HADH: variants seen among roughly 807,000 people sequenced by gnomAD.
The protein encoded by HADH is hydroxyacyl-coenzyme A dehydrogenase, mitochondrial.
Under a neutral mutation model 32.2 loss-of-function variants are expected in HADH, and 24 were observed. The ratio of observed to expected loss-of-function variants is 0.75; its 90% CI spans 0.54 to 1.05. The LOEUF is 1.05. Ranked by LOEUF, HADH falls within the 50% of genes least tolerant of loss-of-function variation. HADH has a pLI of 0.00. For missense variants in HADH, 350 were observed against 397.1 expected (o/e 0.88, Z 1.01); for synonymous variants, 139 against 152.5 (o/e 0.91, Z 0.65).
chr4:107,997,776 A>G (rs998645278), intron 1 of HADH, among the ~76,000 whole-genome samples: 1 of 152,178 alleles, frequency 6.6e-6, no homozygotes, highest in Non-Finnish European at 1.5e-5. Context: ...AACTGCCAGG[A>G]AGAGTCCTCC....
intron 5 of HADH, chr4:108,024,875 G>T (rs1736008474): frequency 6.6e-6 from 1 of 152,274 alleles, no homozygotes; most frequent in Non-Finnish European, 1.5e-5. Context: ...CAGCTGCAGA[G>T]ATGGGAACTC....
chr4:108,030,624 C>G (rs577748159), intron 6 of HADH: 2 of 152,318 alleles, frequency 1.3e-5, no homozygotes, highest in African/African-American at 4.8e-5. Context: ...AGGAAGCTTT[C>G]CTTTGCTGTC....
In HADH at chr4:108,000,685, T is replaced by C. The variant is rs143581580; in HGVS notation, c.133-9074T>C. On this transcript the variant is annotated intron_variant, in intron 1 of 7. Coordinates refer to ENST00000309522, the MANE Select transcript of HADH (RefSeq NM_005327.7). ...GGGAGAAGTTTCACTAAAGGAGAGA[T>C]GGTGTCCATGTTAGATTATGAAGGG... Among the ~76,000 whole-genome samples, 87 of 152,258 alleles carry C rather than the reference T, an allele frequency of 5.7e-4. 1 individual carries two copies. Among genetic ancestry groups the C allele is most frequent in the Admixed American group, 2.2e-3 (34 of 15,288 alleles).
chr4:107,990,743 CTTTTTTTTTT>C (rs553014808), intron 1 of HADH, among the ~76,000 whole-genome samples: 21 of 111,846 alleles, frequency 1.9e-4, no homozygotes, highest in Non-Finnish European at 3.4e-4. Context: ...AAGTCTCTCT[CTTTTTTTTTT>C]TTTTTTTTTT....
rs947380521 is a variant in HADH at position 108,009,767 on chromosome 4, A to G, written c.141A>G (p.Ala47=). ...TTCTTTTGTTGCTCTAGGTTGCTGC[A>G]GCAACTGGTCACACAGTAGTGTTGG... ...LMGAGIAQVA[A]ATGHTVVLVD... is the part of the protein sequence containing the mutation. Residue 47 remains alanine (A), a synonymous_variant, in exon 2 of 8, where the codon GCA becomes GCG. Coordinates refer to ENST00000309522, the MANE Select transcript of HADH (RefSeq NM_005327.7). 6.2e-7 allele frequency: 1 copy of G among 1,613,750 alleles called. No individual in the cohort carries two copies. Among genetic ancestry groups the G allele is most frequent in the Non-Finnish European group, 8.5e-7 (1 of 1,179,658 alleles).
At position 108,034,660 on chromosome 4, in the gene HADH, C is replaced by A; in HGVS notation, c.*303C>A. The A allele has an allele frequency of 2.7e-6, 1 of 368,402 alleles. No individual in the cohort carries two copies. The highest frequency in any genetic ancestry group is 5.3e-6 in the Non-Finnish European group (1 of 189,262). The allele number at this position is 368,402 out of a possible 1,614,324, so 22.8% of individuals were successfully genotyped here. On this transcript the variant is annotated 3_prime_UTR_variant, in exon 8 of 8. Transcript: ENST00000309522. ...ACCTTGTCATTTTTGTGAAGAATTG[C>A]CTAGATTCCTTCTCTCATCAACGGG...
chr4:108,012,908 T>C lies in HADH; in HGVS notation c.262-1523T>C, dbSNP rs2126228363. Reference sequence around the variant, plus strand: ...AGGAACTTCTACTTTACTTTTTACATTAAGATATTCTTCACCTGTCCCTTA... The same window carrying C: ...AGGAACTTCTACTTTACTTTTTACACTAAGATATTCTTCACCTGTCCCTTA... On this transcript the variant is annotated intron_variant, in intron 2 of 7. Coordinates refer to ENST00000309522, the MANE Select transcript of HADH (RefSeq NM_005327.7). Among the ~76,000 whole-genome samples, 2 of 152,328 alleles carry C rather than the reference T, an allele frequency of 1.3e-5. 1 individual carries two copies. The highest frequency in any genetic ancestry group is 4.1e-4 in the South Asian group (2 of 4,830).
At chr4:108,014,825 C>T (rs755684860) in intron 3 of HADH, among the ~76,000 whole-genome samples, 4 of 152,082 alleles carry the variant, frequency 2.6e-5, no homozygotes, top group Non-Finnish European at 5.9e-5. Flanking sequence ...TCTCCAGTGT[C>T]TGTTATTTCC....
chr4:108,032,403 A>G (rs1451724140), intron 6 of HADH: 7 of 1,502,854 alleles, frequency 4.7e-6, no homozygotes. Flanking sequence ...GGTTTGTGTG[A>G]AATGTGATGC....
chr4:108,002,291 C>T (rs1735142418), intron 1 of HADH, among the ~76,000 whole-genome samples: 1 of 152,152 alleles, frequency 6.6e-6, no homozygotes, highest in Non-Finnish European at 1.5e-5. Context: ...CTGAGCTCTG[C>T]CTCCTGTTGG....
chr4:108,022,285 TAC>T (rs201444131), intron 4 of HADH, among the ~76,000 whole-genome samples: 3,206 of 136,956 alleles, frequency 0.023, 76 homozygotes, highest in African/African-American at 0.061. Context: ...TATATATATA[TAC>T]TTCATCTGGT....
chr4:107,990,999 C>G (rs1381281345), intron 1 of HADH, among the ~76,000 whole-genome samples: 1 of 152,188 alleles, frequency 6.6e-6, no homozygotes, highest in Non-Finnish European at 1.5e-5. Flanking sequence ...GCCTGGCCTC[C>G]CGAAGTGCTG....
At position 108,034,862 on chromosome 4, in the gene HADH, G is replaced by GATAC; in HGVS notation, c.*505_*506insATAC. 7.9e-6 allele frequency: 2 copies of GATAC among 254,090 alleles called. No homozygotes were observed. Among genetic ancestry groups the GATAC allele is most frequent in the Middle Eastern group, 1.5e-3 (1 of 676 alleles). 15.7% of individuals were successfully genotyped at this position (254,090 alleles called of 1,614,324 possible). A position where few individuals can be genotyped will look rare whatever the true frequency, so the allele number is the denominator to read the frequency against. On this transcript the variant is annotated 3_prime_UTR_variant, in exon 8 of 8. Transcript: ENST00000309522. ...AGCTTTGAGTCTTGCCCTACATTTT[G>GATAC]GGCATGACATAAGATGTGTCTTTAT...
At chr4:107,991,346 A>G (rs1228540088) in intron 1 of HADH, among the ~76,000 whole-genome samples, 1 of 152,116 alleles carries the variant, frequency 6.6e-6, no homozygotes, top group Non-Finnish European at 1.5e-5. Context: ...TACTTTTTCA[A>G]TGTCTTGTTT....
At chr4:107,990,799 G>A (rs1048777109) in intron 1 of HADH, among the ~76,000 whole-genome samples, 1 of 148,558 alleles carries the variant, frequency 6.7e-6, no homozygotes, top group Non-Finnish European at 1.5e-5. Flanking sequence ...GGCTGGAGTG[G>A]AGTGCAATGG....
chr4:108,007,692 C>T (rs926621730), intron 1 of HADH, among the ~76,000 whole-genome samples: 1 of 152,154 alleles, frequency 6.6e-6, no homozygotes, highest in African/African-American at 2.4e-5. Context: ...GACTAACGCA[C>T]CAGTAGGAGA....
chr4:108,007,758 G>A lies in HADH; in HGVS notation c.133-2001G>A, dbSNP rs551940253. Among the ~76,000 whole-genome samples, 35 of 152,320 alleles carry A rather than the reference G, an allele frequency of 2.3e-4. 1 individual carries two copies. The highest frequency in any genetic ancestry group is 3.4e-3 in the Middle Eastern group (1 of 294). On this transcript the variant is annotated intron_variant, in intron 1 of 7. Coordinates refer to ENST00000309522, the MANE Select transcript of HADH (RefSeq NM_005327.7). Reference sequence around the variant, plus strand: ...CAAAGAACATTGGACCTATAATCCTGTGGATATCTTATTAAGCATCTAATA... The same window carrying A: ...CAAAGAACATTGGACCTATAATCCTATGGATATCTTATTAAGCATCTAATA...
intron 5 of HADH, chr4:108,024,715 G>A (rs1736001807): frequency 6.6e-6 from 1 of 152,188 alleles, no homozygotes. Context: ...TTTGTTAGTG[G>A]AAGAAAGTAG....
chr4:108,027,435 G>A, intron 5 of HADH: 2 of 550,494 alleles, frequency 3.6e-6, no homozygotes, highest in Admixed American at 2.8e-5. Flanking sequence ...TCACACCTGT[G>A]CCTTGATCTG....
Sources: allele counts gnomAD v4.1 joint callset (sites outside exome capture counted in the v4.1 genomes callset), GRCh38; gene constraint gnomAD v4.1.1; transcripts MANE v1.5; gene names NCBI Gene and HGNC (gene_info 2026-07-23, HGNC 2026-07-21).